Variants in SULT1E1 observed in about 807,000 individuals in gnomAD.
SULT1E1 encodes sulfotransferase family 1E member 1, also known as sulfotransferase 1E1.
In SULT1E1, 36 loss-of-function variants were observed where a neutral mutation model predicts 33.6. That is an observed-to-expected ratio of 1.07 (90% CI 0.82 to 1.41). The LOEUF (loss-of-function observed/expected upper bound fraction) is 1.41, where lower values mean the gene tolerates loss of function less well. SULT1E1 is among the 40% of genes most tolerant of loss of function. The pLI is 0.00. For missense variants in SULT1E1, 371 were observed against 345.7 expected (o/e 1.07, Z -0.58); for synonymous variants, 121 against 111.7 (o/e 1.08, Z -0.53).
At chr4:69,822,706 G>C in the SULT1E1 span, among the ~76,000 whole-genome samples, 1 of 151,996 alleles carries the variant, frequency 6.6e-6, no homozygotes, top group African/African-American at 2.4e-5. Context: ...TCCCCATCTT[G>C]TTTTATGGTC....
At chr4:69,829,174 G>C in the SULT1E1 span, among the ~76,000 whole-genome samples, 1 of 152,150 alleles carries the variant, frequency 6.6e-6, no homozygotes, top group Non-Finnish European at 1.5e-5. Context: ...ACCACTGGGT[G>C]GATGGTCACT....
At chr4:69,833,275 T>C in the SULT1E1 span, among the ~76,000 whole-genome samples, 1 of 152,158 alleles carries the variant, frequency 6.6e-6, no homozygotes, top group Non-Finnish European at 1.5e-5. Flanking sequence ...ATACCTAGTT[T>C]CATGTGGCTG....
the SULT1E1 span, among the ~76,000 whole-genome samples, chr4:69,824,805 C>G: frequency 1.3e-5 from 2 of 152,104 alleles, no homozygotes; most frequent in African/African-American, 2.4e-5. Flanking sequence ...TAAAATGAAC[C>G]AATGAACAGG....
the SULT1E1 span, among the ~76,000 whole-genome samples, chr4:69,831,627 T>A: frequency 6.6e-6 from 1 of 152,194 alleles, no homozygotes; most frequent in African/African-American, 2.4e-5. Context: ...TACATTCCAA[T>A]GGAGTGGGTT....
At chr4:69,846,380 T>C (rs570232160) in intron 6 of SULT1E1, among the ~76,000 whole-genome samples, 127 of 150,758 alleles carry the variant, frequency 8.4e-4, no homozygotes, top group African/African-American at 2.8e-3. Context: ...ACTTTATAGG[T>C]TTCAAACTTA....
At chr4:69,832,248 C>T in the SULT1E1 span, among the ~76,000 whole-genome samples, 2 of 152,196 alleles carry the variant, frequency 1.3e-5, no homozygotes, top group Non-Finnish European at 2.9e-5. Flanking sequence ...CCGATCTCCC[C>T]TTCAGGTTGA....
chr4:69,830,806 G>A, the SULT1E1 span, among the ~76,000 whole-genome samples: 1 of 152,210 alleles, frequency 6.6e-6, no homozygotes, highest in Admixed American at 6.5e-5. Flanking sequence ...ATAATGGACT[G>A]CATCAAGTCT....
At chr4:69,834,446 C>A in the SULT1E1 span, among the ~76,000 whole-genome samples, 2 of 152,182 alleles carry the variant, frequency 1.3e-5, no homozygotes, top group African/African-American at 2.4e-5. Flanking sequence ...ATGACATTTT[C>A]TGATCTATTC....
At chr4:69,835,167 A>G in the SULT1E1 span, among the ~76,000 whole-genome samples, 8 of 152,296 alleles carry the variant, frequency 5.3e-5, no homozygotes, top group African/African-American at 1.9e-4. Context: ...ATTATTGCCC[A>G]GCTGATTGCT....
In SULT1E1 at chr4:69,849,546, C is replaced by A; in HGVS notation, c.387G>T (p.Arg129=). The change falls in exon 5 of 8, where the codon CGG becomes CGT. Residue 129 remains arginine (R), a synonymous_variant. Transcript: ENST00000226444. The part of the protein sequence containing the change: ...EKDCKIIYLC[R]NAKDVAVSFY... ...AGGAAACAGCCACATCCTTTGCATT[C>A]CGGCAAAGATAGATTATCTAAGAGG... is the stretch of plus-strand genomic sequence containing the variant. 6.2e-7 allele frequency: 1 copy of A among 1,606,618 alleles called. No individual in the cohort carries two copies. The highest frequency in any genetic ancestry group is 8.5e-7 in the Non-Finnish European group (1 of 1,176,580).
At chr4:69,834,967 T>C in the SULT1E1 span, among the ~76,000 whole-genome samples, 1 of 152,180 alleles carries the variant, frequency 6.6e-6, no homozygotes, top group Non-Finnish European at 1.5e-5. Context: ...TGAAGAATTG[T>C]TACCATATCA....
the SULT1E1 span, among the ~76,000 whole-genome samples, chr4:69,831,241 G>A: frequency 1.2e-4 from 18 of 152,122 alleles, no homozygotes; most frequent in African/African-American, 3.4e-4. Context: ...TGTAAAACTC[G>A]TTTATCTTGC....
the SULT1E1 span, among the ~76,000 whole-genome samples, chr4:69,834,120 A>G: frequency 6.6e-6 from 1 of 152,106 alleles, no homozygotes; most frequent in Admixed American, 6.6e-5. Context: ...GTAATTATCC[A>G]GATCCTACTC....
chr4:69,848,087 G>GGTGTGT (rs3077575), intron 5 of SULT1E1, among the ~76,000 whole-genome samples: 5 of 148,262 alleles, frequency 3.4e-5, no homozygotes, highest in African/African-American at 1.2e-4. Flanking sequence ...TGTTGAAACT[G>GGTGTGT]GTGTGTGTGT....
chr4:69,833,420 T>C, the SULT1E1 span, among the ~76,000 whole-genome samples: 8 of 152,210 alleles, frequency 5.3e-5, no homozygotes, highest in Non-Finnish European at 1.0e-4. Context: ...ACTTCTTACT[T>C]GTACAGCTAA....
the SULT1E1 span, among the ~76,000 whole-genome samples, chr4:69,824,860 C>G: frequency 6.6e-6 from 1 of 152,164 alleles, no homozygotes; most frequent in African/African-American, 2.4e-5. Context: ...GCCACCAGAG[C>G]CAGCAGTGGC....
At chr4:69,857,939 C>T (rs1486498032) in intron 1 of SULT1E1, among the ~76,000 whole-genome samples, 1 of 152,030 alleles carries the variant, frequency 6.6e-6, no homozygotes, top group Non-Finnish European at 1.5e-5. Flanking sequence ...TATATTTATT[C>T]CGTGATAAAT....
At chr4:69,848,924 C>A (rs920332152) in intron 5 of SULT1E1, among the ~76,000 whole-genome samples, 6 of 151,752 alleles carry the variant, frequency 4.0e-5, no homozygotes, top group Non-Finnish European at 7.4e-5. Context: ...ATTTGAGAAA[C>A]CTGGTTAAAA....
intron 7 of SULT1E1, among the ~76,000 whole-genome samples, chr4:69,842,791 T>C (rs1470639110): frequency 6.6e-6 from 1 of 152,112 alleles, no homozygotes; most frequent in East Asian, 1.9e-4. Context: ...TTTTGCTTTT[T>C]AACATACTTC....
Sources: gnomAD v4.1 joint callset for allele counts (sites outside exome capture counted in the v4.1 genomes callset) on GRCh38, gnomAD v4.1.1 for gene constraint, MANE v1.5 for transcripts, NCBI Gene and HGNC (gene_info 2026-07-23, HGNC 2026-07-21) for gene names.